Variants in PPP1R8 observed in about 807,000 individuals in gnomAD.
PPP1R8 encodes the protein nuclear inhibitor of protein phosphatase 1.
PPP1R8 carries 4 observed loss-of-function variants against 31.3 expected under a neutral mutation model. The observed-to-expected ratio is 0.13, with a 90% CI of 0.06 to 0.29. The LOEUF is 0.29. Among genes scored for constraint, PPP1R8 ranks in the 10% least tolerant of loss-of-function variants. The pLI is 1.00. For synonymous variants in PPP1R8, 170 were observed against 169.7 expected (o/e 1.00, Z -0.01); for missense variants, 254 against 440.1 (o/e 0.58, Z 3.78).
intron 6 of PPP1R8, 116 bp from the exon 7 acceptor site, chr1:27,849,977 G>A: frequency 1.1e-6 from 1 of 918,774 alleles, no homozygotes; most frequent in South Asian, 1.9e-5. Flanking sequence ...TAGAAGTTAG[G>A]AATCTTTCCC....
In PPP1R8 at chr1:27,850,263, C is replaced by T. The variant is rs201744750; in HGVS notation, c.873C>T (p.Pro291=). 48 of 1,614,240 alleles carry T rather than the reference C, an allele frequency of 3.0e-5. No homozygotes were observed. The East Asian group carries it at 9.8e-4, about 33-fold the overall frequency. ...GGACAGCACTCATCGGTGGCTTGCC[C>T]ATGCCATACCCAAACCTTGCCCCTG... ...IHGTALIGGL[P]MPYPNLAPDV... Residue 291 remains proline, a synonymous_variant, in exon 7 of 7, where the codon CCC becomes CCT. Coordinates refer to ENST00000311772, the MANE Select transcript of PPP1R8 (RefSeq NM_014110.5).
At chr1:27,847,167 C>T in intron 6 of PPP1R8, 75 bp downstream of exon 6, 1 of 1,453,536 alleles carries the variant, frequency 6.9e-7, no homozygotes. Context: ...TGGCTTATGC[C>T]TGTAATCCAA....
At chr1:27,835,584 A>C (rs1299838811) in intron 2 of PPP1R8, among the ~76,000 whole-genome samples, 1 of 152,236 alleles carries the variant, frequency 6.6e-6, no homozygotes, top group Non-Finnish European at 1.5e-5. Flanking sequence ...GCCTGAATTA[A>C]TTGAACCTTA....
Position 27,851,019 on chromosome 1 carries a change from A to G in PPP1R8, c.*573A>G, listed in dbSNP as rs546818944. 1.3e-5 allele frequency: 2 copies of G among 154,012 alleles called. No homozygotes were observed. The highest frequency in any genetic ancestry group is 2.0e-4 in the South Asian group (1 of 4,984). 9.5% of individuals were successfully genotyped at this position (154,012 alleles called of 1,614,324 possible). ...TTTTCTCTTTTGTCCTTCCTGTTGGAATGAAAACATTTCGATTTTCCTTCA... is the reference window on the plus strand; with the variant it reads ...TTTTCTCTTTTGTCCTTCCTGTTGGGATGAAAACATTTCGATTTTCCTTCA... On this transcript the variant is annotated 3_prime_UTR_variant, in exon 7 of 7. Coordinates refer to ENST00000311772, the MANE Select transcript of PPP1R8 (RefSeq NM_014110.5).
At position 27,851,084 on chromosome 1, in the gene PPP1R8, C is replaced by T. The variant is rs1459363136; in HGVS notation, c.*638C>T. 1 of 157,016 alleles carries T rather than the reference C, an allele frequency of 6.4e-6. No homozygotes were observed. Among genetic ancestry groups the T allele is most frequent in the East Asian group, 1.9e-4 (1 of 5,362 alleles). The allele number at this position is 157,016 out of a possible 1,614,324, so 9.7% of individuals were successfully genotyped here. On this transcript the variant is annotated 3_prime_UTR_variant, in exon 7 of 7. Transcript: ENST00000311772. Reference sequence around the variant, plus strand: ...CATAGACACAGGTTTATAGTTTTAACTTACAGTATTGTTTGAAATTTACCT... The same window carrying T: ...CATAGACACAGGTTTATAGTTTTAATTTACAGTATTGTTTGAAATTTACCT...
chr1:27,847,140 C>A, intron 6 of PPP1R8, 48 bp downstream of exon 6: 2 of 1,576,820 alleles, frequency 1.3e-6, no homozygotes, highest in South Asian at 2.2e-5. Context: ...AAAACCTGCT[C>A]TTTAGGCCAG....
At chr1:27,838,973 C>G (rs371296061) in intron 3 of PPP1R8, 121 bp downstream of exon 3, 3 of 1,027,956 alleles carry the variant, frequency 2.9e-6, no homozygotes, top group Non-Finnish European at 4.1e-6. Context: ...TAAATCCACC[C>G]TTCTCTATTT....
intron 4 of PPP1R8, among the ~76,000 whole-genome samples, chr1:27,842,477 C>G (rs776436418): frequency 6.6e-6 from 1 of 152,186 alleles, no homozygotes; most frequent in Non-Finnish European, 1.5e-5. Context: ...GCTATACTTC[C>G]ATGGCTTTTA....
intron 4 of PPP1R8, 73 bp from the exon 5 acceptor site, chr1:27,843,113 T>C: frequency 6.3e-7 from 1 of 1,579,558 alleles, no homozygotes; most frequent in Non-Finnish European, 8.7e-7. Context: ...TCCTCACCTT[T>C]ATTTAGTATG....
rs372310220 is a variant in PPP1R8, at chr1:27,841,021, C to T, written c.279C>T (p.Gly93=). Reference sequence around the variant, plus strand: ...TGATTTGGTTATTCCCAGCACACGGCACTTTCTTGGGTCACATTCGGTTGG... The same window carrying T: ...TGATTTGGTTATTCCCAGCACACGGTACTTTCTTGGGTCACATTCGGTTGG... ...VFLIDLNSTH[G]TFLGHIRLEP... is the part of the protein sequence containing the mutation. The change falls in exon 4 of 7, where the codon GGC becomes GGT. Residue 93 remains glycine (G), a synonymous_variant. Coordinates refer to ENST00000311772, the MANE Select transcript of PPP1R8 (RefSeq NM_014110.5). 2.0e-5 allele frequency: 32 copies of T among 1,614,024 alleles called. No individual in the cohort carries two copies. The African/African-American group carries it at 3.3e-4, about 17-fold the overall frequency.
chr1:27,848,184 C>T (rs149118559), intron 6 of PPP1R8, among the ~76,000 whole-genome samples: 3,893 of 152,132 alleles, frequency 0.026, 183 homozygotes, highest in African/African-American at 0.089. Context: ...GGGCAGATTA[C>T]AAGGTCAGGA....
At chr1:27,831,072 C>T in intron 1 of PPP1R8, 181 bp downstream of exon 1, 1 of 1,381,064 alleles carries the variant, frequency 7.2e-7, no homozygotes, top group Non-Finnish European at 9.3e-7. Flanking sequence ...AGCCTGGAGC[C>T]CAGGCCCAGG....
rs773994854 is a variant in PPP1R8 at position 27,845,783 on chromosome 1, C to CTTTTTTTTTTT, written c.638-1231_638-1221dup. ...GGAGTTTTTCTTTCTTTCTTTCTTT[C>CTTTTTTTTTTT]TTTTTTTTTTTTTTTTTTTTTTTTG... On this transcript the variant is annotated intron_variant, in intron 5 of 6. Transcript: ENST00000311772. 7.3e-4 allele frequency among the ~76,000 whole-genome samples: 67 copies of CTTTTTTTTTTT among 91,824 alleles called. 4 individuals are homozygous for CTTTTTTTTTTT. The highest frequency in any genetic ancestry group is 1.6e-3 in the African/African-American group (32 of 20,002). 60.2% of individuals were successfully genotyped at this position (91,824 alleles called of 152,430 possible).
intron 4 of PPP1R8, among the ~76,000 whole-genome samples, chr1:27,842,591 G>C (rs1417556790): frequency 6.6e-6 from 1 of 152,198 alleles, no homozygotes; most frequent in African/African-American, 2.4e-5. Flanking sequence ...GGATTGGGAA[G>C]AGGCAAGCAA....
At chr1:27,846,911 C>G in intron 5 of PPP1R8, 117 bp from the exon 6 acceptor site, 1 of 856,168 alleles carries the variant, frequency 1.2e-6, no homozygotes, top group Non-Finnish European at 2.0e-6. Context: ...AGGAAGCACT[C>G]TCTGTGTTTT....
At chr1:27,833,440 AT>A (rs2089131433) in intron 2 of PPP1R8, among the ~76,000 whole-genome samples, 1 of 152,186 alleles carries the variant, frequency 6.6e-6, no homozygotes, top group African/African-American at 2.4e-5. Context: ...ACATAATTAT[AT>A]TTGAATTAAG....
At chr1:27,833,906 A>G (rs942395890) in intron 2 of PPP1R8, among the ~76,000 whole-genome samples, 3 of 152,228 alleles carry the variant, frequency 2.0e-5, no homozygotes, top group African/African-American at 7.2e-5. Flanking sequence ...CCTGTTATGA[A>G]TACATCATGG....
In PPP1R8 at chr1:27,846,032, T is replaced by C. The variant is rs1245586701; in HGVS notation, c.638-996T>C. Among the ~76,000 whole-genome samples, 292 of 151,842 alleles carry C rather than the reference T, an allele frequency of 1.9e-3. 1 individual carries two copies. Among genetic ancestry groups the C allele is most frequent in the African/African-American group, 6.7e-3 (276 of 41,188 alleles). Reference sequence around the variant, plus strand: ...GTTTCGACCTCCTGACCTCATGATCTGCCCACCTCGGCCTCCCAAAGTGCT... The same window carrying C: ...GTTTCGACCTCCTGACCTCATGATCCGCCCACCTCGGCCTCCCAAAGTGCT... On this transcript the variant is annotated intron_variant, in intron 5 of 6. Coordinates refer to ENST00000311772, the MANE Select transcript of PPP1R8 (RefSeq NM_014110.5).
At chr1:27,839,858 A>C (rs2089205975) in intron 3 of PPP1R8, among the ~76,000 whole-genome samples, 1 of 152,178 alleles carries the variant, frequency 6.6e-6, no homozygotes, top group Non-Finnish European at 1.5e-5. Flanking sequence ...CAGGAGTTCA[A>C]GACCAGCATG....
Sources: allele counts gnomAD v4.1 joint callset (sites outside exome capture counted in the v4.1 genomes callset), GRCh38; gene constraint gnomAD v4.1.1; transcripts MANE v1.5; gene names NCBI Gene and HGNC (gene_info 2026-07-23, HGNC 2026-07-21).